Variants in SPMAP2L observed in about 807,000 individuals in gnomAD.
The protein encoded by SPMAP2L is sperm microtubule associated protein 2-like.
chr4:56,558,099 G>C, the SPMAP2L span, among the ~76,000 whole-genome samples: 3 of 152,030 alleles, frequency 2.0e-5, no homozygotes, highest in African/African-American at 7.3e-5. Context: ...CTCCCAAGTA[G>C]CTGGGATTAC....
the SPMAP2L span, among the ~76,000 whole-genome samples, chr4:56,572,211 A>AC: frequency 6.6e-6 from 1 of 152,230 alleles, no homozygotes; most frequent in African/African-American, 2.4e-5. Flanking sequence ...AGTATTATGT[A>AC]CTGTACATAA....
the SPMAP2L span, chr4:56,530,712 G>T: frequency 6.5e-7 from 1 of 1,535,362 alleles, no homozygotes; most frequent in African/African-American, 1.4e-5. Flanking sequence ...CATCTGCGCC[G>T]TCCGAGGTGA....
At chr4:56,619,602 G>A in the SPMAP2L span, among the ~76,000 whole-genome samples, 460 of 152,324 alleles carry the variant, frequency 3.0e-3, 1 homozygote, top group African/African-American at 0.011. Context: ...ATATTCTGTT[G>A]TGTATATATA....
chr4:56,597,822 G>C, the SPMAP2L span, among the ~76,000 whole-genome samples: 1 of 152,060 alleles, frequency 6.6e-6, no homozygotes, highest in Non-Finnish European at 1.5e-5. Context: ...TGAGAGTGGT[G>C]TTAGCTGTCC....
chr4:56,594,104 G>T, the SPMAP2L span: 2 of 1,607,568 alleles, frequency 1.2e-6, no homozygotes, highest in Non-Finnish European at 1.7e-6. Flanking sequence ...AGATCTGGAC[G>T]ATTTGTTGCG....
chr4:56,599,408 G>C, the SPMAP2L span, among the ~76,000 whole-genome samples: 2 of 151,892 alleles, frequency 1.3e-5, no homozygotes, highest in African/African-American at 4.8e-5. Context: ...TTCACTTTAA[G>C]TTCCAGGATA....
At chr4:56,609,363 T>A in the SPMAP2L span, among the ~76,000 whole-genome samples, 1 of 152,196 alleles carries the variant, frequency 6.6e-6, no homozygotes, top group African/African-American at 2.4e-5. Flanking sequence ...TGAAAGCACA[T>A]AACTTGTTCG....
At chr4:56,601,254 T>C in the SPMAP2L span, 103 of 875,244 alleles carry the variant, frequency 1.2e-4, no homozygotes, top group Middle Eastern at 3.6e-4. Flanking sequence ...TTACATTTAT[T>C]GTGATACATC....
At chr4:56,578,593 C>T in the SPMAP2L span, among the ~76,000 whole-genome samples, 1 of 151,872 alleles carries the variant, frequency 6.6e-6, no homozygotes, top group African/African-American at 2.4e-5. Flanking sequence ...TATATGCTGT[C>T]TACAAAAGAC....
At chr4:56,567,357 C>T in the SPMAP2L span, among the ~76,000 whole-genome samples, 3 of 149,992 alleles carry the variant, frequency 2.0e-5, no homozygotes, top group Non-Finnish European at 4.4e-5. Context: ...ACTTCTGCCT[C>T]ATGGTTTCAA....
chr4:56,553,498 C>CTT, the SPMAP2L span, among the ~76,000 whole-genome samples: 53 of 146,768 alleles, frequency 3.6e-4, 1 homozygote, highest in Middle Eastern at 7.1e-3. Context: ...TGTCCTATTG[C>CTT]TTTTTTTTTT....
At chr4:56,603,285 C>T in the SPMAP2L span, 16 of 1,534,516 alleles carry the variant, frequency 1.0e-5, no homozygotes, top group African/African-American at 1.2e-4. Flanking sequence ...ACAGTGTTCT[C>T]AAAGGATCTG....
chr4:56,593,661 C>T, the SPMAP2L span: 1 of 1,603,898 alleles, frequency 6.2e-7, no homozygotes, highest in South Asian at 1.1e-5. Context: ...GCATTTTTTG[C>T]CGTCCGAGAA....
chr4:56,599,040 C>T, the SPMAP2L span, among the ~76,000 whole-genome samples: 1 of 152,022 alleles, frequency 6.6e-6, no homozygotes, highest in East Asian at 1.9e-4. Context: ...GTGAGGCCTC[C>T]CCAGCCACTC....
At chr4:56,561,810 C>T in the SPMAP2L span, among the ~76,000 whole-genome samples, 2 of 152,096 alleles carry the variant, frequency 1.3e-5, no homozygotes, top group African/African-American at 2.4e-5. Context: ...CTGCAACCTC[C>T]ACCTCCGGGT....
the SPMAP2L span, among the ~76,000 whole-genome samples, chr4:56,556,393 A>G: frequency 6.6e-6 from 1 of 152,224 alleles, no homozygotes; most frequent in African/African-American, 2.4e-5. Context: ...ATAAGGTAGA[A>G]AATGCTATTA....
At chr4:56,608,569 C>A in the SPMAP2L span, among the ~76,000 whole-genome samples, 1 of 152,170 alleles carries the variant, frequency 6.6e-6, no homozygotes, top group Non-Finnish European at 1.5e-5. Flanking sequence ...ACCTTGGGGC[C>A]CACTTCCTAG....
the SPMAP2L span, among the ~76,000 whole-genome samples, chr4:56,532,379 T>A: frequency 2.6e-5 from 4 of 150,996 alleles, no homozygotes; most frequent in African/African-American, 7.3e-5. Context: ...CCTTTTTTTT[T>A]AATGAAAAGC....
chr4:56,618,167 C>T, the SPMAP2L span, among the ~76,000 whole-genome samples: 1 of 152,166 alleles, frequency 6.6e-6, no homozygotes, highest in Non-Finnish European at 1.5e-5. Flanking sequence ...CCCTCCTCTA[C>T]CCAGCATTTC....
Sources: gnomAD v4.1 joint callset for allele counts (sites outside exome capture counted in the v4.1 genomes callset) on GRCh38, gnomAD v4.1.1 for gene constraint, MANE v1.5 for transcripts, NCBI Gene and HGNC (gene_info 2026-07-23, HGNC 2026-07-21) for gene names.